Variants in PPP2R5C observed in about 807,000 individuals in gnomAD.
The protein encoded by PPP2R5C is protein phosphatase 2 regulatory subunit B'gamma, also known as serine/threonine-protein phosphatase 2A 56 kDa regulatory subunit gamma isoform.
Under a neutral mutation model 68.9 loss-of-function variants are expected in PPP2R5C, and 7 were observed. The observed-to-expected ratio is 0.10, with a 90% CI of 0.06 to 0.19. PPP2R5C has a LOEUF of 0.19. Among genes scored for constraint, PPP2R5C ranks in the 10% least tolerant of loss-of-function variants. The pLI, the probability that PPP2R5C is intolerant of heterozygous loss-of-function variation, is 1.00. For missense variants in PPP2R5C, 348 were observed against 641.3 expected, an observed-to-expected ratio of 0.54 and a Z score of 4.94; for synonymous variants, 210 against 222.2, an observed-to-expected ratio of 0.95 and a Z score of 0.49.
At chr14:101,883,308 A>C (rs2044278147) in exon 4 of PPP2R5C, 1 of 1,594,566 alleles carries the variant, frequency 6.3e-7, no homozygotes, top group African/African-American at 1.4e-5. Flanking sequence ...TTTCCAACCT[A>C]ATATAGCGAA....
Position 101,877,528 on chromosome 14 carries a change from G to C in PPP2R5C, c.295-4633G>C, listed in dbSNP as rs1459817466. 6.6e-6 allele frequency among the ~76,000 whole-genome samples: 1 copy of C among 152,136 alleles called. No individual in the cohort carries two copies. The highest frequency in any genetic ancestry group is 2.4e-5 in the African/African-American group (1 of 41,420). ...ACTGCATAACGTTGATGTCTTCTCTGTTTCCTCAGACCGGATCCATGCATC... is the reference window on the plus strand; with the variant it reads ...ACTGCATAACGTTGATGTCTTCTCTCTTTCCTCAGACCGGATCCATGCATC... On this transcript the variant is annotated intron_variant, in intron 2 of 13. Coordinates refer to ENST00000334743, the Ensembl canonical transcript of PPP2R5C. This position sits in a 1 kb window ranked among gnomAD's most constrained non-coding sequence, Gnocchi z 4.2.
chr14:101,791,487 CTG>C (rs1216220231), intron 3 of PPP2R5C, among the ~76,000 whole-genome samples: 18 of 152,090 alleles, frequency 1.2e-4, no homozygotes, highest in African/African-American at 4.3e-4. Flanking sequence ...ACAAAATACA[CTG>C]TGTATAAAAT....
chr14:101,912,388 T>TA lies in PPP2R5C; in HGVS notation c.1254-12dup. On this transcript the variant is annotated splice_polypyrimidine_tract_variant and intron_variant, in intron 11 of 13. Coordinates refer to ENST00000334743, the Ensembl canonical transcript of PPP2R5C. The stretch of plus-strand genomic sequence containing the variant: ...TGCATCTCTAACACAGATGACATTT[T>TA]ACTGTTTTTCAGAGAGAAGCTAAAA... The TA allele has an allele frequency of 1.9e-6, 3 of 1,589,552 alleles. No homozygotes were observed. The South Asian group carries it at 3.5e-5, about 18-fold the overall frequency.
Position 101,882,154 on chromosome 14 carries a change from A to G in PPP2R5C, c.295-7A>G. 1.3e-6 allele frequency: 2 copies of G among 1,578,938 alleles called. No individual in the cohort carries two copies. The highest frequency in any genetic ancestry group is 1.8e-5 in the Admixed American group (1 of 55,222). ...CTGATTGTAATTATAGAATATGTGG[A>G]TTTTAGTTTGCAGTTAACATGTTTC... On this transcript the variant is annotated splice_region_variant and splice_polypyrimidine_tract_variant and intron_variant, in intron 2 of 13. Transcript: ENST00000334743. This position sits in a 1 kb window ranked among gnomAD's most constrained non-coding sequence, Gnocchi z 4.9.
chr14:101,806,257 C>T (rs1222893976), upstream of PPP2R5C, among the ~76,000 whole-genome samples: 2 of 151,772 alleles, frequency 1.3e-5, no homozygotes, highest in African/African-American at 4.9e-5. Context: ...TCTCCCACCC[C>T]CTGTCCCCCA....
chr14:101,807,669 T>G (rs1423996524), upstream of PPP2R5C, among the ~76,000 whole-genome samples: 1 of 152,128 alleles, frequency 6.6e-6, no homozygotes, highest in Non-Finnish European at 1.5e-5. Flanking sequence ...TATTTCTATC[T>G]TAGAGTCTGT....
chr14:101,861,536 A>G (rs1014795319), intron 2 of PPP2R5C, among the ~76,000 whole-genome samples: 1 of 152,256 alleles, frequency 6.6e-6, no homozygotes, highest in Non-Finnish European at 1.5e-5. Context: ...CACACACCCC[A>G]GTAGAAATAG....
chr14:101,841,642 G>A (rs1316335641), intron 1 of PPP2R5C, among the ~76,000 whole-genome samples: 2 of 152,218 alleles, frequency 1.3e-5, no homozygotes, highest in East Asian at 1.9e-4. Context: ...TGTGGTGTTG[G>A]TGTTCTTTTT....
chr14:101,921,847 A>T, intron 13 of PPP2R5C: 1 of 466,834 alleles, frequency 2.1e-6, no homozygotes, highest in Non-Finnish European at 2.8e-6. Context: ...CCATGTATCT[A>T]CCTATCCTTT....
At chr14:101,901,120 T>C (rs938644143) in intron 8 of PPP2R5C, among the ~76,000 whole-genome samples, 2 of 152,254 alleles carry the variant, frequency 1.3e-5, no homozygotes, top group Non-Finnish European at 2.9e-5. Context: ...GGATGGTTGA[T>C]AAATTTGAGA....
chr14:101,871,364 C>G (rs1227542941), intron 2 of PPP2R5C, among the ~76,000 whole-genome samples: 1 of 152,120 alleles, frequency 6.6e-6, no homozygotes, highest in East Asian at 1.9e-4. Context: ...GCCTCAGCCT[C>G]CCCCAAGTAG....
intron 1 of PPP2R5C, among the ~76,000 whole-genome samples, chr14:101,828,169 T>C (rs931644467): frequency 6.6e-6 from 1 of 152,164 alleles, no homozygotes; most frequent in African/African-American, 2.4e-5. Context: ...TTTATTCTTT[T>C]CATGTAAAAT....
chr14:101,822,605 C>T (rs1302327088), intron 1 of PPP2R5C, among the ~76,000 whole-genome samples: 4 of 152,176 alleles, frequency 2.6e-5, no homozygotes, highest in East Asian at 1.9e-4. Flanking sequence ...ACTTCCTTCC[C>T]TTAAGAACCC....
At chr14:101,828,404 AT>A (rs1035019419) in intron 1 of PPP2R5C, among the ~76,000 whole-genome samples, 1 of 152,078 alleles carries the variant, frequency 6.6e-6, no homozygotes, top group African/African-American at 2.4e-5. Flanking sequence ...TGAATTTTCC[AT>A]TTTTTTGAAA....
chr14:101,868,941 G>A (rs12886500), intron 2 of PPP2R5C, among the ~76,000 whole-genome samples: 11,363 of 152,082 alleles, frequency 0.075, 471 homozygotes, highest in Middle Eastern at 0.14. Flanking sequence ...TTTTTGAGAC[G>A]GAGTCTCTGT....
At chr14:101,790,738 C>T (rs1175920151) in intron 3 of PPP2R5C, among the ~76,000 whole-genome samples, 5 of 152,156 alleles carry the variant, frequency 3.3e-5, no homozygotes, top group African/African-American at 1.2e-4. Context: ...TGAGTAGATA[C>T]CTAGGAGTGG....
intron 1 of PPP2R5C, 142 bp from the exon 4 acceptor site, chr14:101,856,544 A>C: frequency 1.3e-6 from 1 of 755,114 alleles, no homozygotes; most frequent in Non-Finnish European, 2.2e-6. Flanking sequence ...TTCTTTAAGG[A>C]ATAGCCTTTG....
chr14:101,917,790 C>A lies in PPP2R5C; in HGVS notation c.1327-41C>A. 1 of 1,610,220 alleles carries A rather than the reference C, an allele frequency of 6.2e-7. No homozygotes were observed. The highest frequency in any genetic ancestry group is 8.5e-7 in the Non-Finnish European group (1 of 1,177,652). On this transcript the variant is annotated intron_variant, in intron 12 of 13. Transcript: ENST00000334743. This position sits in a 1 kb window ranked among gnomAD's most constrained non-coding sequence, Gnocchi z 4.4. ...AGGATGAGAAGCTTGGAGTTCAGAGCCTGGGCACCTAACAGAGCGACTCCA... is the reference window on the plus strand; with the variant it reads ...AGGATGAGAAGCTTGGAGTTCAGAGACTGGGCACCTAACAGAGCGACTCCA...
At chr14:101,907,298 G>A (rs1252395579) in intron 10 of PPP2R5C, among the ~76,000 whole-genome samples, 1 of 152,020 alleles carries the variant, frequency 6.6e-6, no homozygotes, top group Non-Finnish European at 1.5e-5. Context: ...AGGGTCCTGA[G>A]TAGCTGGGAC....
Sources: allele counts gnomAD v4.1 joint callset (sites outside exome capture counted in the v4.1 genomes callset), GRCh38; gene constraint gnomAD v4.1.1; non-coding constraint Gnocchi (gnomAD v3.1); transcripts MANE v1.5; gene names NCBI Gene and HGNC (gene_info 2026-07-23, HGNC 2026-07-21).